Variants in SULT1C2 observed in about 807,000 individuals in gnomAD.
SULT1C2 encodes the protein sulfotransferase 1C2.
Under a neutral mutation model 36.0 loss-of-function variants are expected in SULT1C2, and 27 were observed. The observed-to-expected ratio is 0.75, with a 90% confidence interval of 0.55 to 1.03. SULT1C2 has a LOEUF of 1.03. Among genes scored for constraint, SULT1C2 ranks in the 50% least tolerant of loss-of-function variants. The pLI is 0.00. For missense variants in SULT1C2, 395 were observed against 359.2 expected, an observed-to-expected ratio of 1.10 and a Z score of -0.80; for synonymous variants, 121 against 116.0, an observed-to-expected ratio of 1.04 and a Z score of -0.27.
At chr2:108,302,994 C>T (rs1423133176) in intron 4 of SULT1C2, 1 of 152,028 alleles carries the variant, frequency 6.6e-6, no homozygotes. Flanking sequence ...GATTATCAAG[C>T]AGCAATGAAG....
intron 4 of SULT1C2, chr2:108,303,543 G>T (rs1372254325): frequency 6.6e-6 from 1 of 152,264 alleles, no homozygotes; most frequent in Non-Finnish European, 1.5e-5. Flanking sequence ...ATGGCCCAGT[G>T]TGTAAAAGCC....
chr2:108,306,961 CA>C (rs1410542789), intron 7 of SULT1C2, among the ~76,000 whole-genome samples: 1 of 152,104 alleles, frequency 6.6e-6, no homozygotes, highest in Non-Finnish European at 1.5e-5. Context: ...AGTCTCTCCA[CA>C]AAAACTCCAC....
chr2:108,291,716 A>G (rs907818549), intron 1 of SULT1C2, among the ~76,000 whole-genome samples: 1 of 152,210 alleles, frequency 6.6e-6, no homozygotes, highest in Admixed American at 6.5e-5. Flanking sequence ...GCTTCCTCAC[A>G]TTTATGAGGG....
At chr2:108,305,023 CTCAAAA>C in intron 5 of SULT1C2, 143 bp from the exon 6 acceptor site, 1 of 919,898 alleles carries the variant, frequency 1.1e-6, no homozygotes, top group Non-Finnish European at 1.6e-6. Context: ...CTACACCACC[CTCAAAA>C]TCAAACAGAT....
Position 108,300,844 on chromosome 2 carries a change from A to G in SULT1C2, c.284A>G (p.Glu95Gly), listed in dbSNP as rs750977490. The change falls in exon 4 of 8, where the codon GAA becomes GGA. Residue 95 changes from glutamate (E) to glycine (G), a missense_variant. Coordinates refer to ENST00000251481, the MANE Select transcript of SULT1C2 (RefSeq NM_001056.4). ...WARPPQPSGVEKAKAMPSPRI... is the reference protein window; with the variant it reads ...WARPPQPSGVGKAKAMPSPRI... The stretch of plus-strand genomic sequence containing the variant: ...CTCTTGAGCTATTTTAAAGGTGTGG[A>G]AAAAGCCAAAGCAATGCCCTCTCCA... The G allele has an allele frequency of 1.9e-6, 3 of 1,614,114 alleles. No homozygotes were observed. Among genetic ancestry groups the G allele is most frequent in the South Asian group, 2.2e-5 (2 of 91,062 alleles).
intron 4 of SULT1C2, chr2:108,302,898 T>C (rs1178267570): frequency 1.3e-5 from 2 of 151,934 alleles, no homozygotes; most frequent in African/African-American, 4.8e-5. Flanking sequence ...ACAGGAAGGT[T>C]TGAGGGTAAA....
intron 3 of SULT1C2, among the ~76,000 whole-genome samples, chr2:108,298,118 G>A (rs907889644): frequency 6.6e-6 from 1 of 152,226 alleles, no homozygotes; most frequent in African/African-American, 2.4e-5. Flanking sequence ...TTGCTCCCCA[G>A]CTTGGGATTG....
Position 108,308,766 on chromosome 2 carries a change from C to A in SULT1C2, c.*302C>A. The stretch of plus-strand genomic sequence containing the variant: ...ATCCCCATTATTCTGGAAAGTGCAT[C>A]CTAGTCTCCCAGTCTATAACATCAT... On this transcript the variant is annotated 3_prime_UTR_variant, in exon 8 of 8. Transcript: ENST00000251481. The A allele has an allele frequency of 3.7e-6, 1 of 268,444 alleles. No individual in the cohort carries two copies. Among genetic ancestry groups the A allele is most frequent in the Non-Finnish European group, 7.0e-6 (1 of 142,754 alleles). 16.6% of individuals were successfully genotyped at this position (268,444 alleles called of 1,614,324 possible).
At chr2:108,301,421 T>C (rs1676868818) in intron 4 of SULT1C2, 1 of 151,782 alleles carries the variant, frequency 6.6e-6, no homozygotes, top group African/African-American at 2.4e-5. Context: ...CTACTAAAAA[T>C]AAAAAAAAAC....
At chr2:108,302,524 C>G (rs919727647) in intron 4 of SULT1C2, 1 of 152,238 alleles carries the variant, frequency 6.6e-6, no homozygotes, top group African/African-American at 2.4e-5. Flanking sequence ...TCTGGAGGGA[C>G]ACAGCTGCAA....
intron 3 of SULT1C2, among the ~76,000 whole-genome samples, chr2:108,298,348 C>T (rs1365255629): frequency 2.0e-5 from 3 of 152,088 alleles, no homozygotes; most frequent in African/African-American, 7.2e-5. Flanking sequence ...TGTTTCCTTG[C>T]TCATGTTTTC....
At chr2:108,298,357 T>C (rs1676789565) in intron 3 of SULT1C2, among the ~76,000 whole-genome samples, 1 of 152,178 alleles carries the variant, frequency 6.6e-6, no homozygotes, top group Non-Finnish European at 1.5e-5. Context: ...GCTCATGTTT[T>C]CAACTTTCTC....
chr2:108,305,662 A>G, intron 7 of SULT1C2, 67 bp downstream of exon 7: 3 of 1,580,404 alleles, frequency 1.9e-6, no homozygotes, highest in Non-Finnish European at 2.6e-6. Context: ...CTTAGCAGAC[A>G]ATATTGAGTT....
chr2:108,302,755 G>A (rs1175850437), intron 4 of SULT1C2: 1 of 152,138 alleles, frequency 6.6e-6, no homozygotes, highest in Non-Finnish European at 1.5e-5. Flanking sequence ...GAAATAAGAT[G>A]CTACTTTTAG....
chr2:108,308,639 C>T lies in SULT1C2; in HGVS notation c.*175C>T, dbSNP rs17036113. 4.8e-3 allele frequency: 2,538 copies of T among 530,390 alleles called. 15 individuals are homozygous for T. Among genetic ancestry groups the T allele is most frequent in the Non-Finnish European group, 6.6e-3 (2,053 of 309,856 alleles). The allele number at this position is 530,390 out of a possible 1,614,324, so 32.9% of individuals were successfully genotyped here. A position where few individuals can be genotyped will look rare whatever the true frequency, so the allele number is the denominator to read the frequency against. On this transcript the variant is annotated 3_prime_UTR_variant, in exon 8 of 8. Coordinates refer to ENST00000251481, the MANE Select transcript of SULT1C2 (RefSeq NM_001056.4). ...CCACTTCATTTTTTAAAAAGGATCA[C>T]GTCTAATGCCCATTTTCCCAACTAT...
At chr2:108,296,702 C>T (rs894329601) in intron 3 of SULT1C2, among the ~76,000 whole-genome samples, 9 of 152,216 alleles carry the variant, frequency 5.9e-5, no homozygotes, top group Non-Finnish European at 1.2e-4. Context: ...ATACCCGCCT[C>T]GGCCTCCCAA....
Position 108,305,188 on chromosome 2 carries a change from G to C in SULT1C2, c.519G>C (p.Trp173Cys). The change falls in exon 6 of 8, where the codon TGG (tryptophan) becomes TGC (cysteine). Residue 173 changes from tryptophan to cysteine, a missense_variant. Coordinates refer to ENST00000251481, the MANE Select transcript of SULT1C2 (RefSeq NM_001056.4). ...CTATTTCAGTGGTTTGGGGTTCCTGGTTTGACCACGTGAAAGGATGGTGGG... is the reference window on the plus strand; with the variant it reads ...CTATTTCAGTGGTTTGGGGTTCCTGCTTTGACCACGTGAAAGGATGGTGGG... ...FINGKVVWGSWFDHVKGWWEM... is the reference protein window; with the variant it reads ...FINGKVVWGSCFDHVKGWWEM... The C allele has an allele frequency of 6.2e-7, 1 of 1,614,138 alleles. No homozygotes were observed. The highest frequency in any genetic ancestry group is 1.1e-5 in the South Asian group (1 of 91,076).
chr2:108,304,326 G>A, intron 4 of SULT1C2: 1 of 344,172 alleles, frequency 2.9e-6, no homozygotes, highest in Non-Finnish European at 5.2e-6. Flanking sequence ...GGGGCAATCA[G>A]GCAATCTAAT....
At chr2:108,294,183 T>G in intron 2 of SULT1C2, 46 bp from the exon 3 acceptor site, 1 of 1,609,812 alleles carries the variant, frequency 6.2e-7, no homozygotes, top group Non-Finnish European at 8.5e-7. Context: ...TCAGGGAAGA[T>G]TGTCTAACAG....
Sources: gnomAD v4.1 joint callset for allele counts (sites outside exome capture counted in the v4.1 genomes callset) on GRCh38, gnomAD v4.1.1 for gene constraint, MANE v1.5 for transcripts, NCBI Gene and HGNC (gene_info 2026-07-23, HGNC 2026-07-21) for gene names.